Variants in ZNF568 observed in about 807,000 individuals in gnomAD.
The protein encoded by ZNF568 is p53 inhibitor of SCO2 activation.
ZNF568 carries 11 observed loss-of-function variants against 18.1 expected under a neutral mutation model. That is an observed-to-expected ratio of 0.61 (90% confidence interval 0.38 to 1.00). The LOEUF (loss-of-function observed/expected upper bound fraction) is 1.00. Ranked by LOEUF, ZNF568 falls within the 50% of genes least tolerant of loss-of-function variation. ZNF568 has a pLI of 0.01. For missense variants in ZNF568, 639 were observed against 768.2 expected, an observed-to-expected ratio of 0.83 and a Z score of 1.99; for synonymous variants, 213 against 246.6, an observed-to-expected ratio of 0.86 and a Z score of 1.28.
chr19:36,991,280 C>T (rs1265644112), exon 3 of ZNF568: 23 of 1,534,876 alleles, frequency 1.5e-5, no homozygotes, highest in African/African-American at 9.6e-5. Context: ...TGGAAAATTA[C>T]GGCAACCTGG....
At chr19:36,968,674 CAT>C (rs147554242) in intron 6 of ZNF568, among the ~76,000 whole-genome samples, 1,715 of 150,522 alleles carry the variant, frequency 0.011, 15 homozygotes, top group Middle Eastern at 0.034. Context: ...ACAATGGAGA[CAT>C]GTGGCCATTA....
chr19:36,961,880 GTT>G lies in ZNF568; in HGVS notation c.359-12526_359-12525del, dbSNP rs11403152. 5.9e-5 allele frequency among the ~76,000 whole-genome samples: 8 copies of G among 135,048 alleles called. No individual in the cohort carries two copies. In the South Asian group the frequency reaches 1.4e-3, roughly 23 times the overall value. 88.6% of individuals were successfully genotyped at this position (135,048 alleles called of 152,430 possible). ...TATCATATTGTTAATTGGTTAGGGT[GTT>G]TTTTTTTTTTTTTGAGACTTCTGGG... On this transcript the variant is annotated intron_variant, in intron 6 of 7. Transcript: ENST00000427117.
At chr19:36,932,032 C>T (rs187589449) in intron 4 of ZNF568, among the ~76,000 whole-genome samples, 1 of 152,268 alleles carries the variant, frequency 6.6e-6, no homozygotes, top group East Asian at 1.9e-4. Context: ...ATTATGTTTT[C>T]AAGTTTCATG....
At chr19:36,997,502 C>G, downstream of ZNF568, 1 of 1,587,558 alleles carries the variant, frequency 6.3e-7, no homozygotes, top group Non-Finnish European at 8.5e-7. Context: ...ATTCGAAGGT[C>G]AGAACTCACA....
Position 36,951,184 on chromosome 19 carries a change from C to T in ZNF568, c.*96C>T. On this transcript the variant is annotated 3_prime_UTR_variant, in exon 7 of 7. Coordinates refer to ENST00000333987, the MANE Select transcript of ZNF568 (RefSeq NM_198539.4). ...GGATCTTTATGGAAAAATTTTAATACTTTGTTAAAAGGTGTAAGACTGGAA... is the reference window on the plus strand; with the variant it reads ...GGATCTTTATGGAAAAATTTTAATATTTTGTTAAAAGGTGTAAGACTGGAA... 8.1e-7 allele frequency: 1 copy of T among 1,241,198 alleles called. No homozygotes were observed. Among genetic ancestry groups the T allele is most frequent in the South Asian group, 1.9e-5 (1 of 53,546 alleles). 76.9% of individuals were successfully genotyped at this position (1,241,198 alleles called of 1,614,324 possible). A position where few individuals can be genotyped will look rare whatever the true frequency, so the allele number is the denominator to read the frequency against.
exon 5 of ZNF568, chr19:36,996,753 T>C: frequency 6.5e-7 from 1 of 1,542,366 alleles, no homozygotes; most frequent in Non-Finnish European, 8.7e-7. Context: ...ATTCTGGAAT[T>C]ACTCAACCTC....
downstream of ZNF568, chr19:36,997,878 G>T: frequency 2.8e-6 from 1 of 355,866 alleles, no homozygotes; most frequent in Non-Finnish European, 5.2e-6. Context: ...TGATACAACT[G>T]GTGAAAAATT....
intron 2 of ZNF568, among the ~76,000 whole-genome samples, chr19:36,918,866 A>G (rs888073292): frequency 6.6e-6 from 1 of 152,192 alleles, no homozygotes; most frequent in Non-Finnish European, 1.5e-5. Flanking sequence ...TAAATACTTC[A>G]TATAAGCAGA....
At chr19:36,957,789 T>C (rs139933497) in intron 6 of ZNF568, among the ~76,000 whole-genome samples, 1 of 152,334 alleles carries the variant, frequency 6.6e-6, no homozygotes, top group East Asian at 1.9e-4. Context: ...ATGAAAGTAC[T>C]GGGAAACAAT....
intron 6 of ZNF568, among the ~76,000 whole-genome samples, chr19:36,968,982 A>C (rs777712240): frequency 6.6e-6 from 1 of 151,682 alleles, no homozygotes; most frequent in East Asian, 1.9e-4. Context: ...CAGCCTCCTG[A>C]GTAGGTGGGA....
intron 6 of ZNF568, among the ~76,000 whole-genome samples, chr19:36,939,198 A>G (rs991743189): frequency 1.3e-5 from 2 of 152,142 alleles, no homozygotes; most frequent in Non-Finnish European, 2.9e-5. Flanking sequence ...CCATCTTCCT[A>G]TGCTAACAAA....
At chr19:36,974,422 C>T in exon 7 of ZNF568, 3 of 1,535,944 alleles carry the variant, frequency 2.0e-6, no homozygotes, top group Non-Finnish European at 1.7e-6. Context: ...TCTTTAAGAA[C>T]CCAGAAGAGG....
At chr19:36,983,862 T>C (rs1208937745), downstream of ZNF568, among the ~76,000 whole-genome samples, 7 of 151,656 alleles carry the variant, frequency 4.6e-5, no homozygotes, top group Non-Finnish European at 8.8e-5. Context: ...GAGCTGGGCT[T>C]TGGTTTTTGA....
chr19:36,940,977 A>G (rs1027099152), intron 6 of ZNF568, among the ~76,000 whole-genome samples: 3 of 152,244 alleles, frequency 2.0e-5, no homozygotes, highest in African/African-American at 7.2e-5. Context: ...TCCATTGTAG[A>G]GTCAGAAAGT....
At chr19:36,991,413 G>A (rs1388082628) in intron 3 of ZNF568, 3 of 1,318,292 alleles carry the variant, frequency 2.3e-6, no homozygotes, top group Non-Finnish European at 3.0e-6. Flanking sequence ...CAAGTACCTG[G>A]ATGAGTTAAT....
chr19:36,968,270 ACC>A (rs1218359433), intron 6 of ZNF568, among the ~76,000 whole-genome samples: 5 of 152,146 alleles, frequency 3.3e-5, no homozygotes, highest in Non-Finnish European at 5.9e-5. Flanking sequence ...TGTAACATAT[ACC>A]TTATATTAAA....
chr19:36,989,898 A>G (rs768685371), intron 2 of ZNF568, among the ~76,000 whole-genome samples: 34 of 152,208 alleles, frequency 2.2e-4, no homozygotes, highest in Middle Eastern at 3.4e-3. Flanking sequence ...GGAGTAGGAA[A>G]ACCAATCCTT....
downstream of ZNF568, among the ~76,000 whole-genome samples, chr19:36,955,702 C>G (rs111608308): frequency 6.6e-6 from 1 of 152,212 alleles, no homozygotes; most frequent in African/African-American, 2.4e-5. Flanking sequence ...CTGTGAATGG[C>G]CTCAAAACAC....
At chr19:36,994,526 C>T (rs779521929) in intron 4 of ZNF568, among the ~76,000 whole-genome samples, 19 of 152,132 alleles carry the variant, frequency 1.2e-4, no homozygotes, top group Non-Finnish European at 2.5e-4. Context: ...TCAATTTGTT[C>T]AATTGTTTGT....
Sources: gnomAD v4.1 joint callset for allele counts (sites outside exome capture counted in the v4.1 genomes callset) on GRCh38, gnomAD v4.1.1 for gene constraint, MANE v1.5 for transcripts, NCBI Gene and HGNC (gene_info 2026-07-23, HGNC 2026-07-21) for gene names.